Variants in PPP2R2B observed in about 807,000 individuals in gnomAD.
PPP2R2B encodes the protein serine/threonine-protein phosphatase 2A 55 kDa regulatory subunit B beta isoform.
In PPP2R2B, 5 loss-of-function variants were observed where a neutral mutation model predicts 46.0. The ratio of observed to expected loss-of-function variants is 0.11; its 90% CI spans 0.06 to 0.23. PPP2R2B has a LOEUF of 0.23. Ranked by LOEUF, PPP2R2B falls within the 10% of genes least tolerant of loss-of-function variation. The pLI, the probability that PPP2R2B is intolerant of heterozygous loss-of-function variation, is 1.00. For synonymous variants in PPP2R2B, 215 were observed against 206.7 expected (o/e 1.04, Z -0.34); for missense variants, 367 against 575.0 (o/e 0.64, Z 3.70).
At chr5:146,590,756 G>A (rs1770556993) in intron 9 of PPP2R2B, among the ~76,000 whole-genome samples, 1 of 152,142 alleles carries the variant, frequency 6.6e-6, no homozygotes, top group African/African-American at 2.4e-5. Flanking sequence ...CACGAACCCG[G>A]GGCGCGACCT....
At position 146,589,787 on chromosome 5, in the gene PPP2R2B, C is replaced by A; in HGVS notation, c.*160G>T. 2 of 773,656 alleles carry A rather than the reference C, an allele frequency of 2.6e-6. No individual in the cohort carries two copies. The highest frequency in any genetic ancestry group is 4.1e-6 in the Non-Finnish European group (2 of 489,312). 47.9% of individuals were successfully genotyped at this position (773,656 alleles called of 1,614,324 possible). ...TGGGTTTGACAAAAGTTTCTTAGAA[C>A]TGGGGAGCTGGGAATGTTGGACTCC... On this transcript the variant is annotated 3_prime_UTR_variant, in exon 10 of 10. Transcript: ENST00000394411.
rs1318927127 is a variant in PPP2R2B at position 146,808,343 on chromosome 5, AT to A, written c.70+69658del. The stretch of plus-strand genomic sequence containing the variant: ...AATAGCACAGATATAGAATATTTCC[AT>A]CGTCAGAGCAAGTTCTATTGCATAG... On this transcript the variant is annotated intron_variant, in intron 2 of 9. Coordinates refer to ENST00000394411, the MANE Select transcript of PPP2R2B (RefSeq NM_181675.4). 2.6e-5 allele frequency among the ~76,000 whole-genome samples: 4 copies of A among 152,354 alleles called. No homozygotes were observed. In the East Asian group the frequency reaches 7.7e-4, roughly 29 times the overall value.
At chr5:146,759,338 CT>C (rs1754022442) in intron 2 of PPP2R2B, among the ~76,000 whole-genome samples, 1 of 152,176 alleles carries the variant, frequency 6.6e-6, no homozygotes, top group Non-Finnish European at 1.5e-5. Flanking sequence ...TCTACCTCAC[CT>C]TTTATCTGAA....
intron 1 of PPP2R2B, among the ~76,000 whole-genome samples, chr5:147,044,671 G>A (rs550915439): frequency 6.6e-6 from 1 of 152,156 alleles, no homozygotes; most frequent in South Asian, 2.1e-4. Flanking sequence ...GTTGTAGGAC[G>A]ATGAAAGGAT....
At chr5:146,833,566 T>C (rs1309701615) in intron 2 of PPP2R2B, among the ~76,000 whole-genome samples, 1 of 152,182 alleles carries the variant, frequency 6.6e-6, no homozygotes, top group Non-Finnish European at 1.5e-5. Flanking sequence ...GGGCATTCCG[T>C]GGTTATGAAA....
intron 1 of PPP2R2B, among the ~76,000 whole-genome samples, chr5:146,938,188 TC>T (rs1293090722): frequency 1.3e-5 from 2 of 152,126 alleles, no homozygotes; most frequent in Non-Finnish European, 2.9e-5. Flanking sequence ...AAAGAAAAAA[TC>T]CTGTTCATTA....
At chr5:147,073,263 G>A (rs541450812) in intron 2 of PPP2R2B, among the ~76,000 whole-genome samples, 32 of 152,284 alleles carry the variant, frequency 2.1e-4, no homozygotes, top group Non-Finnish European at 4.6e-4. Context: ...CTTACAAAGA[G>A]AACAGGATGT....
intron 4 of PPP2R2B, among the ~76,000 whole-genome samples, chr5:146,695,921 A>C (rs1240213936): frequency 6.6e-6 from 1 of 152,220 alleles, no homozygotes; most frequent in Non-Finnish European, 1.5e-5. Flanking sequence ...TTTTTCTTAG[A>C]AGAATCATTT....
chr5:146,663,220 A>G (rs1776775254), intron 5 of PPP2R2B, among the ~76,000 whole-genome samples: 1 of 152,208 alleles, frequency 6.6e-6, no homozygotes. Context: ...GAGCTGAGAC[A>G]GGTACTCAGT....
At chr5:146,632,067 C>A (rs1055576054) in intron 7 of PPP2R2B, among the ~76,000 whole-genome samples, 2 of 127,582 alleles carry the variant, frequency 1.6e-5, no homozygotes, top group Admixed American at 8.4e-5. Context: ...TTGTGCCCCC[C>A]CCCCCGCCCA....
At chr5:146,828,262 A>T (rs61283179) in intron 2 of PPP2R2B, among the ~76,000 whole-genome samples, 25,104 of 138,426 alleles carry the variant, frequency 0.18, 2,158 homozygotes, top group African/African-American at 0.24. Flanking sequence ...TACTTTTTTT[A>T]AAAAAAAAAA....
chr5:146,856,649 T>G (rs1179513172), intron 2 of PPP2R2B: 1 of 1,142,404 alleles, frequency 8.8e-7, no homozygotes, highest in African/African-American at 1.5e-5. Context: ...TTTGGTAACA[T>G]ACAGGTGCAT....
At chr5:147,004,806 G>C (rs984758231) in intron 1 of PPP2R2B, among the ~76,000 whole-genome samples, 2 of 152,106 alleles carry the variant, frequency 1.3e-5, no homozygotes, top group Non-Finnish European at 2.9e-5. Context: ...GAGAGAACAG[G>C]AATAGCTCTT....
intron 2 of PPP2R2B, among the ~76,000 whole-genome samples, chr5:146,707,829 T>C (rs1779958993): frequency 6.6e-6 from 1 of 152,320 alleles, no homozygotes; most frequent in African/African-American, 2.4e-5. Flanking sequence ...ACACACTCTC[T>C]CTCTATAGAC....
chr5:146,824,462 T>C (rs1428090708), intron 2 of PPP2R2B, among the ~76,000 whole-genome samples: 1 of 152,172 alleles, frequency 6.6e-6, no homozygotes, highest in Non-Finnish European at 1.5e-5. Context: ...GTACCTTCAA[T>C]AGCTATAGAA....
intron 2 of PPP2R2B, among the ~76,000 whole-genome samples, chr5:146,846,314 G>C (rs375315736): frequency 2.6e-5 from 4 of 151,722 alleles, no homozygotes; most frequent in East Asian, 3.9e-4. Context: ...GGGAGGCAGA[G>C]GTTGCAGTGA....
chr5:146,964,456 C>A (rs1752315676), intron 1 of PPP2R2B, among the ~76,000 whole-genome samples: 1 of 151,992 alleles, frequency 6.6e-6, no homozygotes, highest in Non-Finnish European at 1.5e-5. Context: ...TTTTATCTTG[C>A]AGGACCAGCC....
intron 2 of PPP2R2B, among the ~76,000 whole-genome samples, chr5:146,786,626 G>C (rs1309746281): frequency 6.6e-6 from 1 of 152,130 alleles, no homozygotes; most frequent in African/African-American, 2.4e-5. Context: ...TTCTGTTTGT[G>C]TATAAACCCT....
intron 2 of PPP2R2B, among the ~76,000 whole-genome samples, chr5:146,735,097 T>A (rs1188199339): frequency 6.6e-6 from 1 of 152,150 alleles, no homozygotes; most frequent in Admixed American, 6.5e-5. Context: ...AACCGCGATC[T>A]TTTTTATTAT....
Sources: allele counts gnomAD v4.1 joint callset (sites outside exome capture counted in the v4.1 genomes callset), GRCh38; gene constraint gnomAD v4.1.1; transcripts MANE v1.5; gene names NCBI Gene and HGNC (gene_info 2026-07-23, HGNC 2026-07-21).